The following HERC4 variants were observed in gnomAD, a reference collection of about 807,000 sequenced individuals.
HERC4 encodes probable E3 ubiquitin-protein ligase HERC4.
In HERC4, 28 loss-of-function variants were observed where a neutral mutation model predicts 124.3. That is an observed-to-expected ratio of 0.23 (90% confidence interval 0.17 to 0.31). The LOEUF (loss-of-function observed/expected upper bound fraction) is 0.31, where lower values mean the gene tolerates loss of function less well. HERC4 is among the 10% of genes least tolerant of loss of function. The pLI, the probability that HERC4 is intolerant of heterozygous loss-of-function variation, is 1.00. For synonymous variants in HERC4, 407 were observed against 421.5 expected (o/e 0.97, Z 0.42); for missense variants, 713 against 1,229.3 (o/e 0.58, Z 6.28).
intron 7 of HERC4, among the ~76,000 whole-genome samples, chr10:68,027,164 T>C (rs368678077): frequency 3.3e-5 from 5 of 152,382 alleles, no homozygotes; most frequent in Admixed American, 1.3e-4. Context: ...TGCAACTTTA[T>C]ATCCTGCTTT....
chr10:68,066,897 T>C (rs1466774087), intron 3 of HERC4, among the ~76,000 whole-genome samples: 1 of 152,156 alleles, frequency 6.6e-6, no homozygotes, highest in Non-Finnish European at 1.5e-5. Context: ...TAACAGGCCA[T>C]CAAATCGAAT....
chr10:68,029,214 G>C (rs1224129342), intron 7 of HERC4, among the ~76,000 whole-genome samples: 5 of 152,130 alleles, frequency 3.3e-5, no homozygotes, highest in Admixed American at 2.0e-4. Context: ...TTAAGGGCCA[G>C]GCGCAGTGGC....
chr10:68,018,302 A>G (rs772219083), intron 8 of HERC4, among the ~76,000 whole-genome samples: 3 of 152,124 alleles, frequency 2.0e-5, no homozygotes, highest in Non-Finnish European at 2.9e-5. Flanking sequence ...CAATAAATAC[A>G]GAAAAAACAA....
chr10:68,025,040 A>G (rs1471712416), intron 8 of HERC4, among the ~76,000 whole-genome samples: 1 of 152,162 alleles, frequency 6.6e-6, no homozygotes, highest in Non-Finnish European at 1.5e-5. Context: ...TGGGCAACAT[A>G]ATGAGACCTT....
At chr10:67,974,115 CACACATACACACAG>C (rs1438469909) in intron 15 of HERC4, among the ~76,000 whole-genome samples, 5 of 93,222 alleles carry the variant, frequency 5.4e-5, no homozygotes, top group East Asian at 4.7e-4. Context: ...CACACACACA[CACACATACACACAG>C]GGTCAGGAAA....
At chr10:67,937,950 G>C (rs2032514530) in intron 21 of HERC4, among the ~76,000 whole-genome samples, 1 of 151,686 alleles carries the variant, frequency 6.6e-6, no homozygotes, top group South Asian at 2.1e-4. Context: ...CAAAAGTGCT[G>C]GGATTACAGA....
intron 9 of HERC4, among the ~76,000 whole-genome samples, chr10:68,009,233 A>G (rs2037780955): frequency 6.6e-6 from 1 of 151,996 alleles, no homozygotes; most frequent in Admixed American, 6.6e-5. Context: ...TCATTAAAAA[A>G]AAAAAAGGAT....
At chr10:67,979,893 T>C (rs2035825101) in intron 15 of HERC4, among the ~76,000 whole-genome samples, 1 of 150,884 alleles carries the variant, frequency 6.6e-6, no homozygotes, top group Non-Finnish European at 1.5e-5. Flanking sequence ...GCCGAGATAG[T>C]GCCACTGCAT....
chr10:67,964,592 C>G (rs1012121429), intron 16 of HERC4, among the ~76,000 whole-genome samples: 3 of 152,122 alleles, frequency 2.0e-5, no homozygotes, highest in African/African-American at 7.2e-5. Context: ...GTTCCCTACA[C>G]AGCCAACAAA....
chr10:67,992,148 C>CTGGG, intron 11 of HERC4, 51 bp downstream of exon 11: 1 of 1,558,318 alleles, frequency 6.4e-7, no homozygotes, highest in Non-Finnish European at 8.8e-7. Flanking sequence ...CTGCCTGGTG[C>CTGGG]TGGGATTACA....
chr10:67,950,802 A>G, intron 19 of HERC4, among the ~76,000 whole-genome samples: 1 of 152,180 alleles, frequency 6.6e-6, no homozygotes, highest in Middle Eastern at 3.2e-3. Context: ...TACAGATCCT[A>G]TTTCTATCAG....
intron 2 of HERC4, 101 bp from the exon 3 acceptor site, chr10:68,073,287 A>G (rs2041656404): frequency 1.7e-6 from 1 of 572,186 alleles, no homozygotes; most frequent in Admixed American, 3.3e-5. Context: ...GGTAAACATT[A>G]AATATACTTT....
chr10:67,926,429 A>AC (rs200895554), intron 23 of HERC4, among the ~76,000 whole-genome samples: 16,671 of 150,030 alleles, frequency 0.11, 915 homozygotes, highest in South Asian at 0.14. Context: ...AAAAAAAAAA[A>AC]AACAAAAAAA....
intron 7 of HERC4, among the ~76,000 whole-genome samples, chr10:68,027,029 A>G (rs541952407): frequency 1.3e-5 from 2 of 152,304 alleles, no homozygotes; most frequent in East Asian, 3.9e-4. Flanking sequence ...CATATAATAT[A>G]TAACTAATTA....
intron 21 of HERC4, among the ~76,000 whole-genome samples, chr10:67,939,355 T>C (rs1024462759): frequency 1.3e-5 from 2 of 152,186 alleles, no homozygotes; most frequent in Non-Finnish European, 2.9e-5. Flanking sequence ...GTAATGACTG[T>C]TTTCAGTGTT....
chr10:67,986,951 T>C lies in HERC4; in HGVS notation c.1806+1712A>G, dbSNP rs191348597. 4.5e-3 allele frequency among the ~76,000 whole-genome samples: 692 copies of C among 152,270 alleles called. 5 individuals carry two copies. The highest frequency in any genetic ancestry group is 0.016 in the African/African-American group (649 of 41,564). ...ACTACTATATCTGCTGATATAAATG[T>C]GGACATTCATTTTTCCAGTCTATGA... On this transcript the variant is annotated intron_variant, in intron 15 of 24. Coordinates refer to ENST00000373700, the MANE Select transcript of HERC4 (RefSeq NM_015601.4).
rs371896244 is a variant in HERC4, at chr10:67,983,878, G to A, written c.1806+4785C>T. 3.3e-5 allele frequency among the ~76,000 whole-genome samples: 5 copies of A among 151,862 alleles called. No homozygotes were observed. In the South Asian group the frequency reaches 6.2e-4, roughly 19 times the overall value. On this transcript the variant is annotated intron_variant, in intron 15 of 24. Transcript: ENST00000373700. ...CTCAGGAGGCTGAAGCAGCAGAATC[G>A]CTTGAACCCGGGAGACGGAGGTTGC... is the stretch of plus-strand genomic sequence containing the variant.
At chr10:68,016,847 T>C (rs1274993492) in intron 8 of HERC4, among the ~76,000 whole-genome samples, 1 of 152,212 alleles carries the variant, frequency 6.6e-6, no homozygotes, top group African/African-American at 2.4e-5. Context: ...ATTCAAATCA[T>C]GTATTACAGA....
intron 3 of HERC4, among the ~76,000 whole-genome samples, chr10:68,061,023 G>A (rs1016673351): frequency 6.6e-6 from 1 of 151,816 alleles, no homozygotes; most frequent in African/African-American, 2.4e-5. Context: ...CTTTAGGACC[G>A]CTTTTAGCCT....
Sources: allele counts gnomAD v4.1 joint callset (sites outside exome capture counted in the v4.1 genomes callset), GRCh38; gene constraint gnomAD v4.1.1; transcripts MANE v1.5; gene names NCBI Gene and HGNC (gene_info 2026-07-23, HGNC 2026-07-21).